The following BCL2L13 variants were observed in gnomAD, a reference collection of about 807,000 sequenced individuals.
BCL2L13 encodes the protein BCL2 like 13, also known as bcl-2-like protein 13.
Under a neutral mutation model 25.8 loss-of-function variants are expected in BCL2L13, and 13 were observed. The ratio of observed to expected loss-of-function variants is 0.50; its 90% confidence interval spans 0.33 to 0.80. The LOEUF (loss-of-function observed/expected upper bound fraction) is 0.80. BCL2L13 is among the 30% of genes least tolerant of loss of function. BCL2L13 has a pLI of 0.02. For synonymous variants in BCL2L13, 244 were observed against 230.3 expected (o/e 1.06, Z -0.54); for missense variants, 504 against 574.9 (o/e 0.88, Z 1.26).
intron 1 of BCL2L13, among the ~76,000 whole-genome samples, chr22:17,649,528 A>G (rs2058606513): frequency 6.6e-6 from 1 of 151,888 alleles, no homozygotes; most frequent in Non-Finnish European, 1.5e-5. Flanking sequence ...TTTGAGACGA[A>G]GTCTTGCTCT....
chr22:17,701,606 T>G (rs921544568), intron 5 of BCL2L13, among the ~76,000 whole-genome samples: 1 of 152,206 alleles, frequency 6.6e-6, no homozygotes, highest in Non-Finnish European at 1.5e-5. Flanking sequence ...CCTGTTGGGT[T>G]GTTTTTCTAG....
chr22:17,643,394 G>A (rs1279294475), intron 1 of BCL2L13, among the ~76,000 whole-genome samples: 7 of 151,756 alleles, frequency 4.6e-5, no homozygotes, highest in African/African-American at 2.4e-5. Flanking sequence ...GTGAGCCACC[G>A]CGCCCGGCCA....
upstream of BCL2L13, chr22:17,638,678 C>G: frequency 8.1e-7 from 1 of 1,231,678 alleles, no homozygotes; most frequent in Non-Finnish European, 1.0e-6. Flanking sequence ...TCCTTCCGCT[C>G]CGGATACCGT....
In BCL2L13 at chr22:17,727,441, T is replaced by C. The variant is rs761894973; in HGVS notation, c.1365T>C (p.Ser455=). Residue 455 remains serine (S), a synonymous_variant, in exon 7 of 7, where the codon TCT becomes TCC. Transcript: ENST00000317582. Reference sequence around the variant, plus strand: ...GTGAGATGAAGCCCATGCCGCTGTCTGAGGGCAAGTCTATACTGCTGTTTG... The same window carrying C: ...GTGAGATGAAGCCCATGCCGCTGTCCGAGGGCAAGTCTATACTGCTGTTTG... The part of the protein sequence containing the change: ...PAGEMKPMPL[S]EGKSILLFGG... The C allele has an allele frequency of 1.2e-6, 2 of 1,614,146 alleles. No homozygotes were observed. The highest frequency in any genetic ancestry group is 2.7e-5 in the African/African-American group (2 of 74,948).
intron 1 of BCL2L13, among the ~76,000 whole-genome samples, chr22:17,650,991 C>CTTTTT (rs35235295): frequency 3.8e-5 from 4 of 105,408 alleles, no homozygotes; most frequent in African/African-American, 1.1e-4. Flanking sequence ...CCATTCACTC[C>CTTTTT]TTTTTTTTTT....
intron 2 of BCL2L13, among the ~76,000 whole-genome samples, chr22:17,671,617 C>T (rs1040095391): frequency 2.0e-5 from 3 of 151,360 alleles, no homozygotes; most frequent in Admixed American, 2.0e-4. Flanking sequence ...TTTGTAGAGA[C>T]ATTTGTTTCG....
intron 1 of BCL2L13, among the ~76,000 whole-genome samples, chr22:17,652,870 C>G (rs986005705): frequency 6.6e-6 from 1 of 152,136 alleles, no homozygotes; most frequent in African/African-American, 2.4e-5. Context: ...CGAGACCATC[C>G]TGGCTAACAC....
chr22:17,669,272 T>G (rs567064313), intron 2 of BCL2L13, among the ~76,000 whole-genome samples: 1 of 152,144 alleles, frequency 6.6e-6, no homozygotes, highest in South Asian at 2.1e-4. Flanking sequence ...GACCTCGTGA[T>G]CTGCCCGCCT....
At chr22:17,702,486 G>A in intron 6 of BCL2L13, 100 bp downstream of exon 6, 3 of 1,178,280 alleles carry the variant, frequency 2.5e-6, no homozygotes, top group Non-Finnish European at 3.4e-6. Context: ...GGGCTGGAGT[G>A]CAGTGTCTAA....
Position 17,727,412 on chromosome 22 carries a change from G to C in BCL2L13, c.1336G>C (p.Ala446Pro), listed in dbSNP as rs377746710. 3.7e-6 allele frequency: 6 copies of C among 1,614,108 alleles called. No individual in the cohort carries two copies. Among genetic ancestry groups the C allele is most frequent in the Non-Finnish European group, 5.1e-6 (6 of 1,180,048 alleles). Residue 446 changes from alanine (A) to proline (P), a missense_variant, in exon 7 of 7, where the codon GCC (alanine) becomes CCC (proline). By Grantham distance (27) the Ala-to-Pro change is conservative (BLOSUM62 -1). Coordinates refer to ENST00000317582, the MANE Select transcript of BCL2L13 (RefSeq NM_015367.4). Reference sequence around the variant, plus strand: ...TGAGGGCAAGTCTAGACTGTCCCCCGCCGGTGAGATGAAGCCCATGCCGCT... The same window carrying C: ...TGAGGGCAAGTCTAGACTGTCCCCCCCCGGTGAGATGAAGCCCATGCCGCT... ...PSEGKSRLSP[A>P]GEMKPMPLSE... is the part of the protein sequence containing the mutation.
chr22:17,633,466 A>C (rs965376844), intron 1 of BCL2L13, among the ~76,000 whole-genome samples: 6 of 152,166 alleles, frequency 3.9e-5, no homozygotes, highest in African/African-American at 1.2e-4. Flanking sequence ...ATTTTCAGAC[A>C]AGTTTCAAAA....
chr22:17,652,086 G>GT (rs1349412536), intron 1 of BCL2L13, among the ~76,000 whole-genome samples: 5 of 152,128 alleles, frequency 3.3e-5, no homozygotes, highest in Non-Finnish European at 5.9e-5. Flanking sequence ...TCAACTTATG[G>GT]TGGGGTTACA....
Position 17,702,430 on chromosome 22 carries a change from T to G in BCL2L13, c.600+44T>G, listed in dbSNP as rs966488472. ...TAAAAATATTTTCTTGAAAAAAAATTAGGTTTGTTGTTTTTCTTAAGAGAT... is the reference window on the plus strand; with the variant it reads ...TAAAAATATTTTCTTGAAAAAAAATGAGGTTTGTTGTTTTTCTTAAGAGAT... On this transcript the variant is annotated intron_variant, in intron 6 of 6. Coordinates refer to ENST00000317582, the MANE Select transcript of BCL2L13 (RefSeq NM_015367.4). The G allele has an allele frequency of 2.0e-6, 3 of 1,467,666 alleles. No individual in the cohort carries two copies. In the African/African-American group the frequency reaches 4.4e-5, roughly 22 times the overall value. The allele number at this position is 1,467,666 out of a possible 1,614,324, so 90.9% of individuals were successfully genotyped here.
intron 1 of BCL2L13, among the ~76,000 whole-genome samples, chr22:17,631,684 ATATATATATATATATATATATATTTTT>A (rs2058024404): frequency 3.0e-5 from 1 of 32,830 alleles, no homozygotes; most frequent in Admixed American, 6.0e-4. Context: ...ATATATATAT[ATATATATATATATATATATATATTTTT>A]TTTTTTTTTT....
intron 1 of BCL2L13, among the ~76,000 whole-genome samples, chr22:17,654,197 C>T (rs2058775642): frequency 6.6e-6 from 1 of 151,682 alleles, no homozygotes; most frequent in African/African-American, 2.4e-5. Context: ...CCTCTACCTC[C>T]TGGGCTCAAG....
At chr22:17,639,580 G>A (rs1292426203) in intron 1 of BCL2L13, among the ~76,000 whole-genome samples, 1 of 152,154 alleles carries the variant, frequency 6.6e-6, no homozygotes, top group Non-Finnish European at 1.5e-5. Flanking sequence ...ACATGCTGTT[G>A]ACTGCTGGCT....
chr22:17,728,420 T>A lies in BCL2L13; in HGVS notation c.*886T>A, dbSNP rs1253540592. ...GCTAGAGAGACACATGTGTCTTGTG[T>A]CAAGGCAGGAGGATAACCTGGATGA... On this transcript the variant is annotated 3_prime_UTR_variant, in exon 7 of 7. Transcript: ENST00000317582. 6.6e-6 allele frequency: 1 copy of A among 152,202 alleles called. No homozygotes were observed. The highest frequency in any genetic ancestry group is 1.5e-5 in the Non-Finnish European group (1 of 68,036). 9.4% of individuals were successfully genotyped at this position (152,202 alleles called of 1,614,324 possible). A position where few individuals can be genotyped will look rare whatever the true frequency, so the allele number is the denominator to read the frequency against.
intron 3 of BCL2L13, among the ~76,000 whole-genome samples, chr22:17,685,862 C>G (rs1190970695): frequency 1.2e-4 from 18 of 145,908 alleles, no homozygotes; most frequent in Non-Finnish European, 1.8e-4. Context: ...AGCTCCGCCT[C>G]CCAGCTTCAC....
chr22:17,715,125 TATATATA>T (rs2060879245), intron 6 of BCL2L13, among the ~76,000 whole-genome samples: 1 of 3,106 alleles, frequency 3.2e-4, no homozygotes, highest in South Asian at 0.013. Context: ...GTTAATTTTA[TATATATA>T]TATATATATA....
Sources: allele counts gnomAD v4.1 joint callset (sites outside exome capture counted in the v4.1 genomes callset), GRCh38; gene constraint gnomAD v4.1.1; transcripts MANE v1.5; gene names NCBI Gene and HGNC (gene_info 2026-07-23, HGNC 2026-07-21).